The following ARAP2 variants were observed in gnomAD, a reference collection of about 807,000 sequenced individuals.
ARAP2 encodes the protein arf-GAP with Rho-GAP domain, ANK repeat and PH domain-containing protein 2.
Under a neutral mutation model 194.5 loss-of-function variants are expected in ARAP2, and 148 were observed. The observed-to-expected ratio is 0.76, with a 90% CI of 0.67 to 0.87. The LOEUF (loss-of-function observed/expected upper bound fraction) is 0.87, where lower values mean the gene tolerates loss of function less well. Ranked by LOEUF, ARAP2 falls within the 40% of genes least tolerant of loss-of-function variation. The probability of loss-of-function intolerance (pLI) is 0.00; values close to 1 mark genes in which losing one functional copy is unlikely to be tolerated. For missense variants in ARAP2, 2,128 were observed against 1,989.7 expected (o/e 1.07, Z -1.32); for synonymous variants, 695 against 683.5 (o/e 1.02, Z -0.26).
chr4:36,219,769 A>C (rs1049048052), intron 2 of ARAP2, among the ~76,000 whole-genome samples: 1 of 152,182 alleles, frequency 6.6e-6, no homozygotes, highest in African/African-American at 2.4e-5. Context: ...TGAAATATCT[A>C]ACAAAATTAA....
intron 16 of ARAP2, among the ~76,000 whole-genome samples, chr4:36,149,438 C>T (rs1730420404): frequency 6.6e-6 from 1 of 152,170 alleles, no homozygotes; most frequent in Non-Finnish European, 1.5e-5. Context: ...CTATATAAAT[C>T]TTCAGTGCCT....
chr4:36,229,804 C>T (rs1751077084), intron 1 of ARAP2, among the ~76,000 whole-genome samples, 159 bp from the exon 2 acceptor site: 1 of 152,162 alleles, frequency 6.6e-6, no homozygotes, highest in African/African-American at 2.4e-5. Context: ...AAACCAGTTT[C>T]TCAGTATGTG....
intron 8 of ARAP2, among the ~76,000 whole-genome samples, chr4:36,015,234 A>C (rs1715569714): frequency 6.6e-6 from 1 of 152,204 alleles, no homozygotes; most frequent in Non-Finnish European, 1.5e-5. Context: ...CAAAATGCTT[A>C]CATAAATGAT....
intron 6 of ARAP2, among the ~76,000 whole-genome samples, chr4:36,017,558 A>G (rs1213918269): frequency 7.2e-6 from 1 of 138,760 alleles, no homozygotes; most frequent in Non-Finnish European, 1.5e-5. Flanking sequence ...AGACCTAAGA[A>G]AGTGGTAAAA....
Position 36,221,096 on chromosome 4 carries a change from A to G in ARAP2, c.906-6616T>C, listed in dbSNP as rs942185160. Among the ~76,000 whole-genome samples the G allele has an allele frequency of 1.1e-4, 16 of 152,132 alleles. 1 individual carries two copies. The highest frequency in any genetic ancestry group is 9.8e-4 in the Admixed American group (15 of 15,252). ...ATGTTTAGATTTGTTTAAATTCACA[A>G]ATATCTACTATTGTCTTACAATTTC... is the stretch of plus-strand genomic sequence containing the variant. On this transcript the variant is annotated intron_variant, in intron 2 of 32. Coordinates refer to ENST00000303965, the MANE Select transcript of ARAP2 (RefSeq NM_015230.4).
At chr4:36,240,260 C>G (rs1753262513) in intron 1 of ARAP2, among the ~76,000 whole-genome samples, 1 of 152,030 alleles carries the variant, frequency 6.6e-6, no homozygotes, top group East Asian at 1.9e-4. Context: ...ATTCATACCA[C>G]TATATTGCAC....
intron 27 of ARAP2, among the ~76,000 whole-genome samples, chr4:36,094,085 G>A (rs955391): frequency 0.16 from 23,615 of 152,060 alleles, 4,163 homozygotes; most frequent in African/African-American, 0.43. Context: ...TGGTTTACAC[G>A]TTATTTTTGT....
intron 29 of ARAP2, among the ~76,000 whole-genome samples, chr4:36,082,986 A>C (rs977353887): frequency 1.3e-5 from 2 of 152,156 alleles, no homozygotes; most frequent in African/African-American, 2.4e-5. Flanking sequence ...AGGAAGCTGG[A>C]GGGCAGCATT....
intron 2 of ARAP2, among the ~76,000 whole-genome samples, chr4:36,218,648 T>C (rs545777628): frequency 5.3e-5 from 8 of 152,252 alleles, no homozygotes; most frequent in African/African-American, 1.9e-4. Flanking sequence ...AGCTAGAAGA[T>C]AAAAATAGAA....
rs1403729248 is a variant in ARAP2, at chr4:36,187,568, T to C, written c.1561A>G (p.Met521Val). The C allele has an allele frequency of 1.3e-6, 2 of 1,544,622 alleles. No homozygotes were observed. The highest frequency in any genetic ancestry group is 2.4e-5 in the East Asian group (1 of 42,010). ...SISYYNNEKE[M>V]YSKGIIPLSA... ...AGGGGAATTATTCCTTTCGAATACATCTCCTGTATTGGTTAGAAAAAAAGA... is the reference window on the plus strand; with the variant it reads ...AGGGGAATTATTCCTTTCGAATACACCTCCTGTATTGGTTAGAAAAAAAGA... The change falls in exon 8 of 33, where the codon ATG becomes GTG. Residue 521 changes from methionine (M) to valine (V), a missense_variant. Physicochemically the swap from Met to Val is conservative, Grantham distance 21 (BLOSUM62 1). Coordinates refer to ENST00000303965, the MANE Select transcript of ARAP2 (RefSeq NM_015230.4).
At chr4:36,089,629 C>T (rs1318017586) in intron 28 of ARAP2, among the ~76,000 whole-genome samples, 1 of 152,044 alleles carries the variant, frequency 6.6e-6, no homozygotes, top group Admixed American at 6.6e-5. Context: ...TTTAGTCATA[C>T]CAATGAGTGT....
At chr4:36,014,229 G>GAAAGAAAGAAAGAAAGAAAGAAAGA in intron 8 of ARAP2, among the ~76,000 whole-genome samples, 2 of 31,082 alleles carry the variant, frequency 6.4e-5, no homozygotes, top group African/African-American at 1.3e-4. Context: ...CCTATCGAAA[G>GAAAGAAAGAAAGAAAGAAAGAAAGA]AAAGAAAGAA....
chr4:36,090,680 G>A (rs1163327647), intron 28 of ARAP2, among the ~76,000 whole-genome samples: 1 of 152,088 alleles, frequency 6.6e-6, no homozygotes, highest in African/African-American at 2.4e-5. Context: ...AATAACGCAT[G>A]TTCTTACTTA....
At chr4:36,088,387 A>T (rs1258003428) in intron 28 of ARAP2, among the ~76,000 whole-genome samples, 1 of 152,076 alleles carries the variant, frequency 6.6e-6, no homozygotes, top group African/African-American at 2.4e-5. Context: ...ACAAGCATAA[A>T]CGTAAAGTTT....
intron 1 of ARAP2, among the ~76,000 whole-genome samples, chr4:36,238,116 G>A (rs779470220): frequency 2.6e-5 from 4 of 152,020 alleles, no homozygotes; most frequent in African/African-American, 4.8e-5. Flanking sequence ...GGCAACATCC[G>A]CCCCATTAAA....
rs1159835326 is a variant in ARAP2 at position 36,140,667 on chromosome 4, A to G, written c.3263+6629T>C. Among the ~76,000 whole-genome samples the G allele has an allele frequency of 2.0e-5, 3 of 151,750 alleles. No individual in the cohort carries two copies. The East Asian group carries it at 5.8e-4, about 29-fold the overall frequency. On this transcript the variant is annotated intron_variant, in intron 19 of 32. Coordinates refer to ENST00000303965, the MANE Select transcript of ARAP2 (RefSeq NM_015230.4). Reference sequence around the variant, plus strand: ...ACATTCAAGGGGGAGAAAAGATCATATGGAATAAGGTGATAGGAAATAAGG... The same window carrying G: ...ACATTCAAGGGGGAGAAAAGATCATGTGGAATAAGGTGATAGGAAATAAGG...
At position 36,187,531 on chromosome 4, in the gene ARAP2, G is replaced by A. The variant is rs776658817; in HGVS notation, c.1598C>T (p.Ser533Leu). 10 of 1,563,922 alleles carry A rather than the reference G, an allele frequency of 6.4e-6. No homozygotes were observed. The highest frequency in any genetic ancestry group is 1.2e-5 in the South Asian group (1 of 80,730). ...SKGIIPLSAISTVRVQGDNKF... is the reference protein window; with the variant it reads ...SKGIIPLSAILTVRVQGDNKF... ...GTTGTCTCCTTGAACTCGTACTGTT[G>A]ATATAGCAGAAAGGGGAATTATTCC... The change falls in exon 8 of 33, where the codon TCA becomes TTA. Residue 533 changes from serine to leucine, a missense_variant. Coordinates refer to ENST00000303965, the MANE Select transcript of ARAP2 (RefSeq NM_015230.4).
intron 27 of ARAP2, among the ~76,000 whole-genome samples, chr4:36,097,859 G>A (rs1054435492): frequency 6.6e-6 from 1 of 151,958 alleles, no homozygotes; most frequent in African/African-American, 2.4e-5. Context: ...GGAGTTTATT[G>A]AAAGGTCTTT....
At chr4:36,013,345 A>C (rs1355479117) in intron 8 of ARAP2, among the ~76,000 whole-genome samples, 1 of 152,172 alleles carries the variant, frequency 6.6e-6, no homozygotes, top group Non-Finnish European at 1.5e-5. Context: ...GAGGATAATA[A>C]ATAGTTGCTG....
Sources: gnomAD v4.1 joint callset for allele counts (sites outside exome capture counted in the v4.1 genomes callset) on GRCh38, gnomAD v4.1.1 for gene constraint, MANE v1.5 for transcripts, NCBI Gene and HGNC (gene_info 2026-07-23, HGNC 2026-07-21) for gene names.